Variants in LRRC69 observed in about 807,000 individuals in gnomAD.
The protein encoded by LRRC69 is leucine rich repeat containing 69.
In LRRC69, 42 loss-of-function variants were observed where a neutral mutation model predicts 37.8. The observed-to-expected ratio is 1.11, with a 90% CI of 0.87 to 1.44. The LOEUF (loss-of-function observed/expected upper bound fraction) is 1.44, where lower values mean the gene tolerates loss of function less well. LRRC69 is among the 40% of genes most tolerant of loss of function. The pLI is 0.00. For synonymous variants in LRRC69, 141 were observed against 143.1 expected (o/e 0.99, Z 0.11); for missense variants, 357 against 401.9 (o/e 0.89, Z 0.96).
chr8:91,154,802 G>A (rs958279836), intron 5 of LRRC69, among the ~76,000 whole-genome samples: 3 of 151,704 alleles, frequency 2.0e-5, no homozygotes, highest in East Asian at 3.9e-4. Context: ...CATTTCCTTT[G>A]GAAACTGGCA....
chr8:91,157,938 A>C, intron 5 of LRRC69: 1 of 1,483,758 alleles, frequency 6.7e-7, no homozygotes, highest in South Asian at 1.1e-5. Flanking sequence ...CAGTATACTG[A>C]TTGCACGTTC....
intron 6 of LRRC69, among the ~76,000 whole-genome samples, chr8:91,191,052 C>CCCA (rs1554595708): frequency 1.4e-5 from 2 of 145,348 alleles, no homozygotes; most frequent in African/African-American, 5.0e-5. Context: ...CCCCCCCCCC[C>CCCA]CCAAGTCAAA....
chr8:91,114,464 T>TAC (rs1346793852), intron 1 of LRRC69, among the ~76,000 whole-genome samples: 1 of 151,892 alleles, frequency 6.6e-6, no homozygotes, highest in African/African-American at 2.4e-5. Flanking sequence ...TGTATATATA[T>TAC]ATGTATGTAT....
intron 3 of LRRC69, among the ~76,000 whole-genome samples, chr8:91,131,506 A>G (rs1006822485): frequency 1.3e-5 from 2 of 151,958 alleles, no homozygotes; most frequent in Non-Finnish European, 2.9e-5. Flanking sequence ...ATATATCTCT[A>G]CTTTTATTTA....
At chr8:91,166,097 G>A (rs893241752) in intron 5 of LRRC69, among the ~76,000 whole-genome samples, 1 of 151,738 alleles carries the variant, frequency 6.6e-6, no homozygotes, top group Non-Finnish European at 1.5e-5. Flanking sequence ...GTGACTTCGG[G>A]AAAATTTTAA....
At chr8:91,206,598 C>T in intron 7 of LRRC69, 1 of 1,082,704 alleles carries the variant, frequency 9.2e-7, no homozygotes, top group Non-Finnish European at 1.2e-6. Context: ...GTTCTGAACA[C>T]CTTAGACAAG....
chr8:91,118,287 T>C (rs1253548645), intron 1 of LRRC69: 9 of 436,852 alleles, frequency 2.1e-5, no homozygotes, highest in Non-Finnish European at 2.7e-5. Flanking sequence ...GGCGGATCAC[T>C]TGAAACCAGG....
chr8:91,199,705 C>A (rs1044615747), intron 6 of LRRC69, among the ~76,000 whole-genome samples: 3 of 152,046 alleles, frequency 2.0e-5, no homozygotes, highest in African/African-American at 7.2e-5. Flanking sequence ...AAATTTCAAG[C>A]AGTGTTTGTG....
chr8:91,219,164 T>C, downstream of LRRC69: 1 of 396,950 alleles, frequency 2.5e-6, no homozygotes, highest in Non-Finnish European at 4.5e-6. Flanking sequence ...AGCACTACAA[T>C]CTGCCTTCAG....
At chr8:91,128,373 C>T (rs1463729359) in intron 3 of LRRC69, among the ~76,000 whole-genome samples, 4 of 151,960 alleles carry the variant, frequency 2.6e-5, no homozygotes, top group Non-Finnish European at 4.4e-5. Flanking sequence ...AATCGTAAAT[C>T]TAAGGGAATA....
At chr8:91,116,750 A>G (rs972733856) in intron 1 of LRRC69, among the ~76,000 whole-genome samples, 12 of 152,040 alleles carry the variant, frequency 7.9e-5, no homozygotes, top group African/African-American at 1.2e-4. Flanking sequence ...CGAGGTCCAC[A>G]TTAGACAAAA....
At chr8:91,197,549 G>A (rs1329909697) in intron 6 of LRRC69, among the ~76,000 whole-genome samples, 1 of 152,106 alleles carries the variant, frequency 6.6e-6, no homozygotes, top group Non-Finnish European at 1.5e-5. Flanking sequence ...CTCGTGGTGC[G>A]CCGTTTTTTA....
At chr8:91,120,999 C>G (rs547671204) in intron 1 of LRRC69, among the ~76,000 whole-genome samples, 1 of 152,130 alleles carries the variant, frequency 6.6e-6, no homozygotes, top group South Asian at 2.1e-4. Flanking sequence ...TGTCCCTCCT[C>G]CAAACCTGCC....
At chr8:91,207,124 C>T (rs1047694502) in intron 7 of LRRC69, among the ~76,000 whole-genome samples, 7 of 152,186 alleles carry the variant, frequency 4.6e-5, no homozygotes, top group African/African-American at 1.7e-4. Flanking sequence ...CCTTGAGAAA[C>T]TCACATGTTC....
At chr8:91,151,917 A>G (rs774359327) in intron 5 of LRRC69, among the ~76,000 whole-genome samples, 23 of 150,590 alleles carry the variant, frequency 1.5e-4, no homozygotes, top group African/African-American at 5.6e-4. Context: ...TTTTTTTTTC[A>G]TATGTTTCTT....
intron 6 of LRRC69, among the ~76,000 whole-genome samples, chr8:91,197,862 T>C (rs1196246954): frequency 6.6e-6 from 1 of 151,844 alleles, no homozygotes; most frequent in African/African-American, 2.4e-5. Context: ...CCATCTTGGC[T>C]CCTCCCGTCT....
At position 91,158,218 on chromosome 8, in the gene LRRC69, T is replaced by G. The variant is rs529644310; in HGVS notation, c.651+22479T>G. The stretch of plus-strand genomic sequence containing the variant: ...GTATTCCATGGGCTTACTATTCAAC[T>G]GTGGATCAAGTTAAGGATCTCTACA... On this transcript the variant is annotated intron_variant, in intron 5 of 7. Transcript: ENST00000448384. 2.6e-5 allele frequency: 41 copies of G among 1,599,008 alleles called. No individual in the cohort carries two copies. In the African/African-American group the frequency reaches 4.6e-4, roughly 18 times the overall value.
At chr8:91,149,014 T>G (rs1244774094) in intron 5 of LRRC69, among the ~76,000 whole-genome samples, 10 of 151,242 alleles carry the variant, frequency 6.6e-5, no homozygotes, top group South Asian at 4.2e-4. Context: ...TTGCAAAAAT[T>G]TTCTCCCATT....
At chr8:91,191,460 C>G (rs1288354749) in intron 6 of LRRC69, among the ~76,000 whole-genome samples, 1 of 152,050 alleles carries the variant, frequency 6.6e-6, no homozygotes, top group Non-Finnish European at 1.5e-5. Flanking sequence ...CTCTACTAAC[C>G]CTAAAAAGAT....
Sources: gnomAD v4.1 joint callset for allele counts (sites outside exome capture counted in the v4.1 genomes callset) on GRCh38, gnomAD v4.1.1 for gene constraint, MANE v1.5 for transcripts, NCBI Gene and HGNC (gene_info 2026-07-23, HGNC 2026-07-21) for gene names.